The following PTPRT variants were observed in gnomAD, a reference collection of about 807,000 sequenced individuals.
PTPRT encodes the protein receptor-type tyrosine-protein phosphatase T.
A neutral mutation model predicts 176.8 loss-of-function variants in PTPRT; 56 were observed. That is an observed-to-expected ratio of 0.32 (90% confidence interval 0.26 to 0.40). The LOEUF is 0.40. PTPRT is among the 10% of genes least tolerant of loss of function. The pLI, the probability that PTPRT is intolerant of heterozygous loss-of-function variation, is 1.00. For synonymous variants in PTPRT, 783 were observed against 739.0 expected (o/e 1.06, Z -0.96); for missense variants, 1,540 against 1,908.2 (o/e 0.81, Z 3.60).
In PTPRT at chr20:42,534,675, C is replaced by T. The variant is rs187304113; in HGVS notation, c.1154-62113G>A. ...GATACAAAACTAGAGTGCTACAGAC[C>T]GCAGCCAAACAACACTGGCCATATC... On this transcript the variant is annotated intron_variant, in intron 7 of 30. Transcript: ENST00000373187. Among the ~76,000 whole-genome samples the T allele has an allele frequency of 3.2e-3, 489 of 152,068 alleles. 3 individuals are homozygous for T. Among genetic ancestry groups the T allele is most frequent in the African/African-American group, 0.011 (461 of 41,468 alleles).
intron 27 of PTPRT, among the ~76,000 whole-genome samples, chr20:42,097,795 A>G (rs6029968): frequency 0.025 from 3,830 of 152,342 alleles, 160 homozygotes; most frequent in African/African-American, 0.087. Context: ...TCCACCCCAG[A>G]ATGGCTGCCC....
intron 22 of PTPRT, among the ~76,000 whole-genome samples, chr20:42,111,025 T>G (rs1255631397): frequency 6.6e-6 from 1 of 152,198 alleles, no homozygotes; most frequent in Non-Finnish European, 1.5e-5. Context: ...TTACTTAGAA[T>G]GATTACATAA....
intron 16 of PTPRT, among the ~76,000 whole-genome samples, chr20:42,182,411 G>T (rs1990561360): frequency 6.6e-6 from 1 of 152,144 alleles, no homozygotes; most frequent in Admixed American, 6.5e-5. Context: ...AATAAGAAGG[G>T]TTACAGAGAG....
chr20:42,414,131 C>T (rs565636808), intron 9 of PTPRT, among the ~76,000 whole-genome samples: 114 of 152,222 alleles, frequency 7.5e-4, no homozygotes, highest in African/African-American at 2.6e-3. Flanking sequence ...TGTGCCCGGC[C>T]AAGACTTTGT....
At chr20:43,105,479 C>T (rs534756974) in intron 1 of PTPRT, among the ~76,000 whole-genome samples, 1 of 152,268 alleles carries the variant, frequency 6.6e-6, no homozygotes, top group African/African-American at 2.4e-5. Context: ...CAGCTCACTG[C>T]AACCTCCACC....
downstream of PTPRT, among the ~76,000 whole-genome samples, chr20:42,069,173 G>A (rs1015831029): frequency 6.6e-6 from 1 of 152,180 alleles, no homozygotes; most frequent in African/African-American, 2.4e-5. Flanking sequence ...GAACCATGTA[G>A]CTGGGCCCCT....
At chr20:42,820,510 T>C (rs1207130602) in intron 2 of PTPRT, among the ~76,000 whole-genome samples, 2 of 151,864 alleles carry the variant, frequency 1.3e-5, no homozygotes. Context: ...TTAAAATACC[T>C]AGAGAGGCAA....
chr20:42,747,885 T>C (rs1280715762), intron 6 of PTPRT, among the ~76,000 whole-genome samples: 2 of 152,216 alleles, frequency 1.3e-5, no homozygotes. Flanking sequence ...AGCCATTATC[T>C]AACTTTTTCA....
chr20:42,502,578 C>T (rs1311465912), intron 7 of PTPRT, among the ~76,000 whole-genome samples: 1 of 152,048 alleles, frequency 6.6e-6, no homozygotes, highest in Non-Finnish European at 1.5e-5. Context: ...TTTTTGACAA[C>T]AGTTATCCAT....
intron 7 of PTPRT, among the ~76,000 whole-genome samples, chr20:42,528,805 TC>T (rs2072325005): frequency 6.6e-6 from 1 of 152,210 alleles, no homozygotes; most frequent in Non-Finnish European, 1.5e-5. Context: ...GCTTGCTTAA[TC>T]TTAGATATCT....
chr20:42,115,268 G>A lies in PTPRT; in HGVS notation c.3030C>T (p.Asp1010=). Residue 1010 remains aspartate (D), a synonymous_variant, in exon 22 of 31, where the codon GAC becomes GAT. Transcript: ENST00000373187. ...CTGTTTCAATCAGGGTGACTTTAAT[G>A]TCTCCGTAGACCTCCGTGTCATCTG... ...YWPDDTEVYG[D]IKVTLIETEP... is the part of the protein sequence containing the mutation. The A allele has an allele frequency of 1.2e-6, 2 of 1,614,160 alleles. No homozygotes were observed. Among genetic ancestry groups the A allele is most frequent in the Non-Finnish European group, 1.7e-6 (2 of 1,180,020 alleles).
At chr20:42,598,374 A>G (rs1224197849) in intron 7 of PTPRT, among the ~76,000 whole-genome samples, 3 of 152,212 alleles carry the variant, frequency 2.0e-5, no homozygotes, top group Non-Finnish European at 2.9e-5. Context: ...ATAGCTGTGT[A>G]TTCCTTTTAT....
chr20:42,260,959 C>A (rs557603074), intron 13 of PTPRT, among the ~76,000 whole-genome samples: 4 of 152,272 alleles, frequency 2.6e-5, no homozygotes, highest in Middle Eastern at 3.4e-3. Flanking sequence ...TTGAGGTCTG[C>A]CCACTTTAAA....
At chr20:43,118,333 A>G (rs2013132053) in intron 1 of PTPRT, among the ~76,000 whole-genome samples, 1 of 152,210 alleles carries the variant, frequency 6.6e-6, no homozygotes, top group Non-Finnish European at 1.5e-5. Context: ...AAGAAAATGT[A>G]CAAAATTCAG....
At chr20:42,185,449 G>A (rs1990739577) in intron 16 of PTPRT, among the ~76,000 whole-genome samples, 1 of 152,142 alleles carries the variant, frequency 6.6e-6, no homozygotes, top group Non-Finnish European at 1.5e-5. Flanking sequence ...TTGACTTCTT[G>A]AGGATATTTT....
chr20:42,924,332 G>C (rs1297653518), intron 1 of PTPRT, among the ~76,000 whole-genome samples: 1 of 152,188 alleles, frequency 6.6e-6, no homozygotes, highest in Non-Finnish European at 1.5e-5. Flanking sequence ...CATGGCATTT[G>C]TGTGTAAAAC....
chr20:43,008,201 A>G (rs1687604916), intron 1 of PTPRT, among the ~76,000 whole-genome samples: 1 of 152,030 alleles, frequency 6.6e-6, no homozygotes, highest in African/African-American at 2.4e-5. Flanking sequence ...AGAGATAATG[A>G]GATAATGAAA....
intron 15 of PTPRT, among the ~76,000 whole-genome samples, chr20:42,209,156 A>C (rs1403535714): frequency 6.6e-6 from 1 of 152,172 alleles, no homozygotes; most frequent in African/African-American, 2.4e-5. Flanking sequence ...AGTGTGTAGA[A>C]GTAAATTTAT....
At chr20:42,823,423 G>C (rs543990086) in intron 2 of PTPRT, among the ~76,000 whole-genome samples, 4 of 151,914 alleles carry the variant, frequency 2.6e-5, no homozygotes, top group Non-Finnish European at 5.9e-5. Context: ...CTTAGAGGAT[G>C]GGTCAATAGG....
Sources: allele counts gnomAD v4.1 joint callset (sites outside exome capture counted in the v4.1 genomes callset), GRCh38; gene constraint gnomAD v4.1.1; transcripts MANE v1.5; gene names NCBI Gene and HGNC (gene_info 2026-07-23, HGNC 2026-07-21).